The following ACYP2 variants were observed in gnomAD, a reference collection of about 807,000 sequenced individuals.
ACYP2 encodes the protein acylphosphatase 2, also known as acylphosphatase-2.
A neutral mutation model predicts 11.2 loss-of-function variants in ACYP2; 12 were observed. The ratio of observed to expected loss-of-function variants is 1.08; its 90% confidence interval spans 0.69 to 1.74. The LOEUF is 1.74. ACYP2 is among the 40% of genes most tolerant of loss of function. ACYP2 has a pLI of 0.00. For missense variants in ACYP2, 134 were observed against 101.9 expected (o/e 1.31, Z -1.35); for synonymous variants, 43 against 32.2 (o/e 1.33, Z -1.13).
chr2:54,178,048 G>T (rs1683543276), intron 6 of ACYP2, among the ~76,000 whole-genome samples: 1 of 151,326 alleles, frequency 6.6e-6, no homozygotes, highest in South Asian at 2.1e-4. Context: ...GGGATTAAAG[G>T]TGCTTGCCAT....
intron 2 of ACYP2, among the ~76,000 whole-genome samples, chr2:54,033,931 C>T (rs1674731510): frequency 6.6e-6 from 1 of 152,210 alleles, no homozygotes; most frequent in Non-Finnish European, 1.5e-5. Flanking sequence ...CATAATATTT[C>T]AGACATCCTG....
chr2:54,043,690 G>T (rs938726379), intron 2 of ACYP2, among the ~76,000 whole-genome samples: 2 of 152,112 alleles, frequency 1.3e-5, no homozygotes, highest in Non-Finnish European at 2.9e-5. Context: ...GGGATAATGG[G>T]TCTGATATGA....
At chr2:54,001,520 A>G (rs1672799845) in intron 2 of ACYP2, among the ~76,000 whole-genome samples, 1 of 152,092 alleles carries the variant, frequency 6.6e-6, no homozygotes, top group African/African-American at 2.4e-5. Flanking sequence ...CAGCCTCCCA[A>G]GTAGCTGGGA....
chr2:54,118,045 A>C (rs1679916252), intron 4 of ACYP2, among the ~76,000 whole-genome samples: 1 of 152,234 alleles, frequency 6.6e-6, no homozygotes, highest in Admixed American at 6.5e-5. Context: ...TTCATGAGTT[A>C]CTTCACTTAG....
intron 6 of ACYP2, among the ~76,000 whole-genome samples, chr2:54,206,776 A>G (rs1364560631): frequency 6.6e-6 from 1 of 152,144 alleles, no homozygotes; most frequent in Admixed American, 6.6e-5. Flanking sequence ...TCTGTTTTAA[A>G]CTCTCAATAT....
chr2:54,169,265 T>C (rs1394221371), intron 6 of ACYP2, among the ~76,000 whole-genome samples: 1 of 152,144 alleles, frequency 6.6e-6, no homozygotes, highest in African/African-American at 2.4e-5. Flanking sequence ...CCTGGTGTGT[T>C]GTTCCTCTTT....
At chr2:54,101,784 G>C (rs185980531) in intron 4 of ACYP2, among the ~76,000 whole-genome samples, 37 of 151,732 alleles carry the variant, frequency 2.4e-4, no homozygotes, top group Admixed American at 2.4e-3. Context: ...TTATGTCTTA[G>C]AGCAGTTTTA....
At chr2:54,123,627 C>T (rs1196592342) in intron 4 of ACYP2, among the ~76,000 whole-genome samples, 1 of 152,104 alleles carries the variant, frequency 6.6e-6, no homozygotes, top group Non-Finnish European at 1.5e-5. Context: ...TCCCCCATTC[C>T]CCACTTCTTC....
In ACYP2 at chr2:54,244,154, A is replaced by G. The variant is rs114773831; in HGVS notation, c.405-60534A>G. Among the ~76,000 whole-genome samples, 994 of 152,166 alleles carry G rather than the reference A, an allele frequency of 6.5e-3. 8 individuals carry two copies. Among genetic ancestry groups the G allele is most frequent in the African/African-American group, 0.022 (918 of 41,532 alleles). On this transcript the variant is annotated intron_variant, in intron 6 of 6. Transcript: ENST00000607452. ...ACACCTCTCCAGTTTTCTCAAGACA[A>G]TTGGAGTTGTTCGTCTTTTCCTCAC... is the stretch of plus-strand genomic sequence containing the variant.
chr2:54,250,597 G>A (rs1251516923), intron 6 of ACYP2, among the ~76,000 whole-genome samples: 2 of 152,198 alleles, frequency 1.3e-5, no homozygotes, highest in African/African-American at 4.8e-5. Context: ...AAAATTATGT[G>A]ATATGAATTG....
At chr2:54,266,271 T>G (rs10171249) in intron 6 of ACYP2, among the ~76,000 whole-genome samples, 23,882 of 152,074 alleles carry the variant, frequency 0.16, 1,887 homozygotes, top group African/African-American at 0.2. Flanking sequence ...ACCAACACAC[T>G]CAATCATTTA....
intron 6 of ACYP2, among the ~76,000 whole-genome samples, chr2:54,237,385 C>T (rs1686533116): frequency 6.6e-6 from 1 of 152,080 alleles, no homozygotes; most frequent in Non-Finnish European, 1.5e-5. Flanking sequence ...GTTCTTTATG[C>T]CTTCCTGCAT....
intron 6 of ACYP2, among the ~76,000 whole-genome samples, chr2:54,228,465 C>T (rs148304127): frequency 0.015 from 2,294 of 152,270 alleles, 20 homozygotes; most frequent in Middle Eastern, 0.051. Context: ...AAGAAACTTA[C>T]TTAAGGTCAT....
In ACYP2 at chr2:54,076,360, T is replaced by C. The variant is rs543778814; in HGVS notation, c.277+19000T>C. On this transcript the variant is annotated intron_variant, in intron 4 of 6. Transcript: ENST00000607452. ...CACAATTAGCAATTTAAAAATAGCA[T>C]ATCTAGTCTGATTTCCTTATTTTGT... Among the ~76,000 whole-genome samples the C allele has an allele frequency of 6.6e-5, 10 of 152,198 alleles. 1 individual carries two copies. The highest frequency in any genetic ancestry group is 4.6e-4 in the Admixed American group (7 of 15,264).
At chr2:54,024,975 A>G (rs561462923) in intron 2 of ACYP2, among the ~76,000 whole-genome samples, 26 of 152,316 alleles carry the variant, frequency 1.7e-4, no homozygotes, top group South Asian at 6.2e-4. Context: ...TCAATAATTC[A>G]ACCCATTTTA....
chr2:54,024,268 A>C (rs1674159610), intron 2 of ACYP2, among the ~76,000 whole-genome samples: 2 of 152,122 alleles, frequency 1.3e-5, no homozygotes, highest in Admixed American at 6.5e-5. Flanking sequence ...CAGGAGGCTG[A>C]TGCAGGAGAA....
chr2:54,100,650 A>G (rs1032054483), intron 4 of ACYP2, among the ~76,000 whole-genome samples: 6 of 152,048 alleles, frequency 3.9e-5, no homozygotes, highest in African/African-American at 1.4e-4. Flanking sequence ...GTACAAAATC[A>G]TGCCACATTT....
At chr2:54,032,396 G>T (rs6749817) in intron 2 of ACYP2, among the ~76,000 whole-genome samples, 80,366 of 152,046 alleles carry the variant, frequency 0.53, 21,484 homozygotes, top group East Asian at 0.71. Context: ...CTTCGCCCAT[G>T]TCTTGTTTTC....
chr2:54,179,000 G>C (rs1683591227), intron 6 of ACYP2, among the ~76,000 whole-genome samples: 1 of 152,148 alleles, frequency 6.6e-6, no homozygotes. Context: ...CAAGGTGCCA[G>C]CAGATTCAGT....
Sources: allele counts gnomAD v4.1 joint callset (sites outside exome capture counted in the v4.1 genomes callset), GRCh38; gene constraint gnomAD v4.1.1; transcripts MANE v1.5; gene names NCBI Gene and HGNC (gene_info 2026-07-23, HGNC 2026-07-21).